Variants in VPS33A observed in about 807,000 individuals in gnomAD.
The protein encoded by VPS33A is VPS33A core subunit of CORVET and HOPS complexes, also known as vacuolar protein sorting-associated protein 33A.
In VPS33A, 32 loss-of-function variants were observed where a neutral mutation model predicts 71.8. That is an observed-to-expected ratio of 0.45 (90% confidence interval 0.34 to 0.60). The LOEUF (loss-of-function observed/expected upper bound fraction) is 0.60, where lower values mean the gene tolerates loss of function less well. Among genes scored for constraint, VPS33A ranks in the 20% least tolerant of loss-of-function variants. The pLI is 0.02. For synonymous variants in VPS33A, 311 were observed against 292.7 expected (o/e 1.06, Z -0.64); for missense variants, 625 against 748.5 (o/e 0.84, Z 1.92).
chr12:122,245,433 T>C (rs145338634), intron 6 of VPS33A, among the ~76,000 whole-genome samples: 414 of 152,008 alleles, frequency 2.7e-3, no homozygotes, highest in Non-Finnish European at 5.1e-3. Flanking sequence ...CCAAACTCTG[T>C]TCACGTTCTG....
At chr12:122,249,100 T>C (rs187365343) in intron 6 of VPS33A, 1 of 152,298 alleles carries the variant, frequency 6.6e-6, no homozygotes, top group Admixed American at 6.5e-5. Flanking sequence ...TTATTTTTTA[T>C]AAATATATTA....
At chr12:122,262,991 CT>C (rs35647648) in intron 3 of VPS33A, among the ~76,000 whole-genome samples, 19,261 of 127,570 alleles carry the variant, frequency 0.15, 1,857 homozygotes, top group African/African-American at 0.43. Flanking sequence ...CAATTACACT[CT>C]TTTTTTTTTT....
Position 122,242,451 on chromosome 12 carries a change from G to A in VPS33A, c.1027C>T (p.His343Tyr). ...AGCGAGCCCCTTGCTGCCTGCATGTGGGGCAACTGGGAAACAAACTGCTTG... is the reference window on the plus strand; with the variant it reads ...AGCGAGCCCCTTGCTGCCTGCATGTAGGGCAACTGGGAAACAAACTGCTTG... ...EIKQFVSQLPHMQAARGSLAN... is the reference protein window; with the variant it reads ...EIKQFVSQLPYMQAARGSLAN... Residue 343 changes from histidine (H) to tyrosine (Y), a missense_variant, in exon 8 of 13, where the codon CAC (histidine) becomes TAC (tyrosine). Physicochemically the swap from His to Tyr is moderately conservative, Grantham distance 83. Transcript: ENST00000267199. 1 of 1,614,056 alleles carries A rather than the reference G, an allele frequency of 6.2e-7. No individual in the cohort carries two copies. The highest frequency in any genetic ancestry group is 1.3e-5 in the African/African-American group (1 of 75,028).
rs1252633320 is a variant in VPS33A at position 122,232,289 on chromosome 12, T to C, written c.1748A>G (p.Asn583Ser). 6 of 1,613,964 alleles carry C rather than the reference T, an allele frequency of 3.7e-6. No individual in the cohort carries two copies. In the East Asian group the frequency reaches 1.1e-4, roughly 30 times the overall value. ...EYVIATTKLM[N>S]GTSWIEALME... is the part of the protein sequence containing the mutation. ...CAGAGCCTCTATCCAACTGGTTCCA[T>C]TCATTAGTTTAGTGGTGGCAATGAC... is the stretch of plus-strand genomic sequence containing the variant. Residue 583 changes from asparagine (N) to serine (S), a missense_variant, in exon 13 of 13, where the codon AAT becomes AGT. Asn to Ser is a conservative substitution (Grantham distance 46, BLOSUM62 1). Coordinates refer to ENST00000267199, the MANE Select transcript of VPS33A (RefSeq NM_022916.6).
chr12:122,246,846 C>T (rs1206887785), intron 6 of VPS33A, among the ~76,000 whole-genome samples: 1 of 152,134 alleles, frequency 6.6e-6, no homozygotes, highest in African/African-American at 2.4e-5. Context: ...AGGTGATTGG[C>T]CCGCCTTGGC....
rs562010661 is a variant in VPS33A at position 122,266,337 on chromosome 12, G to C, written c.72C>G (p.Arg24=). The part of the protein sequence containing the change: ...VLREAVRREL[R]EFLDKCAGSK... ...TTCCTGCGCACTTGTCCAGGAACTC[G>C]CGCAGCTCGCGACGCACCGCCTCGC... The change falls in exon 1 of 13, where the codon CGC becomes CGG. Residue 24 remains arginine (R), a synonymous_variant. Coordinates refer to ENST00000267199, the MANE Select transcript of VPS33A (RefSeq NM_022916.6). The C allele has an allele frequency of 1.9e-6, 3 of 1,613,152 alleles. No homozygotes were observed. The highest frequency in any genetic ancestry group is 2.5e-6 in the Non-Finnish European group (3 of 1,179,940).
At chr12:122,241,601 A>G (rs1237644967) in intron 8 of VPS33A, among the ~76,000 whole-genome samples, 8 of 142,604 alleles carry the variant, frequency 5.6e-5, no homozygotes, top group Admixed American at 2.1e-4. Context: ...CACCTCGCCC[A>G]GTCTTTTTTT....
At chr12:122,237,576 G>A (rs1021361354) in intron 10 of VPS33A, among the ~76,000 whole-genome samples, 5 of 131,744 alleles carry the variant, frequency 3.8e-5, no homozygotes, top group African/African-American at 8.9e-5. Flanking sequence ...TCGCTCTGTC[G>A]CCCAGGCCGG....
At chr12:122,234,659 G>A (rs984896665) in intron 11 of VPS33A, among the ~76,000 whole-genome samples, 1 of 152,120 alleles carries the variant, frequency 6.6e-6, no homozygotes, top group Non-Finnish European at 1.5e-5. Flanking sequence ...ACCCTTCTCC[G>A]CAATGCTCTG....
In VPS33A at chr12:122,231,153, C is replaced by A. The variant is rs1186345447; in HGVS notation, c.*1093G>T. On this transcript the variant is annotated 3_prime_UTR_variant, in exon 13 of 13. Coordinates refer to ENST00000267199, the MANE Select transcript of VPS33A (RefSeq NM_022916.6). ...ACGGAAACCTCAATGGAGGCACCCA[C>A]CACTGCTGTGTCTGGAGTTAACGTG... The A allele has an allele frequency of 1.3e-5, 2 of 152,194 alleles. No homozygotes were observed. The highest frequency in any genetic ancestry group is 4.8e-5 in the African/African-American group (2 of 41,432). The allele number at this position is 152,194 out of a possible 1,614,324, so 9.4% of individuals were successfully genotyped here. A position where few individuals can be genotyped will look rare whatever the true frequency, so the allele number is the denominator to read the frequency against.
Position 122,238,770 on chromosome 12 carries a change from TACAC to T in VPS33A, c.1165-50_1165-47del, listed in dbSNP as rs57522920. 11,162 of 868,674 alleles carry T rather than the reference TACAC, an allele frequency of 0.013. 87 individuals are homozygous for T. Among genetic ancestry groups the T allele is most frequent in the East Asian group, 0.063 (2,270 of 36,130 alleles). 53.8% of individuals were successfully genotyped at this position (868,674 alleles called of 1,614,324 possible). A position where few individuals can be genotyped will look rare whatever the true frequency, so the allele number is the denominator to read the frequency against. The stretch of plus-strand genomic sequence containing the variant: ...ATATACATATACATTTACATATACA[TACAC>T]ACACACACACACACACACACACACA... On this transcript the variant is annotated intron_variant, in intron 9 of 12. Coordinates refer to ENST00000267199, the MANE Select transcript of VPS33A (RefSeq NM_022916.6).
chr12:122,234,408 T>A (rs1954603170), intron 11 of VPS33A, among the ~76,000 whole-genome samples: 1 of 152,150 alleles, frequency 6.6e-6, no homozygotes, highest in Non-Finnish European at 1.5e-5. Flanking sequence ...CTCAGCCTTC[T>A]GAGTACAGTA....
intron 10 of VPS33A, 151 bp downstream of exon 10, chr12:122,238,436 G>T: frequency 1.1e-6 from 1 of 898,994 alleles, no homozygotes. Context: ...TGGCCAGGCT[G>T]GTCTCAAACT....
rs1055515260 is a variant in VPS33A, at chr12:122,230,643, T to G, written c.*1603A>C. 8 of 152,154 alleles carry G rather than the reference T, an allele frequency of 5.3e-5. No individual in the cohort carries two copies. The highest frequency in any genetic ancestry group is 3.9e-4 in the Admixed American group (6 of 15,266). 9.4% of individuals were successfully genotyped at this position (152,154 alleles called of 1,614,324 possible). On this transcript the variant is annotated 3_prime_UTR_variant, in exon 13 of 13. Coordinates refer to ENST00000267199, the MANE Select transcript of VPS33A (RefSeq NM_022916.6). ...ATGAAAAAGGTGGGGAAAAACAATG[T>G]GTGGTTACTAATCAACAACCAAAAT... is the stretch of plus-strand genomic sequence containing the variant.
At chr12:122,259,187 G>GTGTGTGTATGTA (rs776992323) in intron 4 of VPS33A, among the ~76,000 whole-genome samples, 41 of 144,742 alleles carry the variant, frequency 2.8e-4, no homozygotes, top group Non-Finnish European at 5.0e-4. Flanking sequence ...GTATGTATGT[G>GTGTGTGTATGTA]TGTATGTATG....
rs775848814 is a variant in VPS33A at position 122,250,974 on chromosome 12, G to A, written c.600+9C>T. 2.6e-5 allele frequency: 41 copies of A among 1,607,820 alleles called. No homozygotes were observed. Among genetic ancestry groups the A allele is most frequent in the Admixed American group, 2.2e-4 (13 of 59,778 alleles). On this transcript the variant is annotated intron_variant, in intron 5 of 12. Transcript: ENST00000267199. ...CCTCCTTTACCACCACAAAGCAGCC[G>A]GTTCTCACCCGAGCGCATTCTCCTT...
chr12:122,251,064 G>A lies in VPS33A; in HGVS notation c.519C>T (p.Tyr173=), dbSNP rs764277949. The change falls in exon 5 of 13, where the codon TAC becomes TAT. Residue 173 remains tyrosine, a synonymous_variant. Transcript: ENST00000267199. ...CYLEGDQTSL[Y]HAAKGLMTLQ... ...GGGTCATCAGCCCCTTGGCTGCGTG[G>A]TACAGGCTCGTCTGGTCACCCTCCA... The A allele has an allele frequency of 2.6e-5, 42 of 1,613,934 alleles. No individual in the cohort carries two copies. Among genetic ancestry groups the A allele is most frequent in the Non-Finnish European group, 3.5e-5 (41 of 1,179,936 alleles).
At chr12:122,233,319 T>C (rs1282060214) in intron 11 of VPS33A, among the ~76,000 whole-genome samples, 1 of 151,816 alleles carries the variant, frequency 6.6e-6, no homozygotes, top group East Asian at 1.9e-4. Context: ...TCCGCCTCCC[T>C]AGTTCAAGCA....
chr12:122,245,134 G>C (rs922364435), intron 6 of VPS33A, among the ~76,000 whole-genome samples: 10 of 152,284 alleles, frequency 6.6e-5, no homozygotes, highest in African/African-American at 1.9e-4. Flanking sequence ...CTGGTGGGTT[G>C]CAAGTAGCAT....
Sources: allele counts gnomAD v4.1 joint callset (sites outside exome capture counted in the v4.1 genomes callset), GRCh38; gene constraint gnomAD v4.1.1; transcripts MANE v1.5; gene names NCBI Gene and HGNC (gene_info 2026-07-23, HGNC 2026-07-21).